ALPK3: variants seen among roughly 807,000 people sequenced by gnomAD.
The protein encoded by ALPK3 is alpha-protein kinase 3.
Under a neutral mutation model 140.0 loss-of-function variants are expected in ALPK3, and 102 were observed. The ratio of observed to expected loss-of-function variants is 0.73; its 90% CI spans 0.62 to 0.86. The LOEUF is 0.86. ALPK3 is among the 40% of genes least tolerant of loss of function. ALPK3 has a pLI of 0.00. For synonymous variants in ALPK3, 938 were observed against 898.5 expected, an observed-to-expected ratio of 1.04 and a Z score of -0.79; for missense variants, 2,254 against 2,208.2, an observed-to-expected ratio of 1.02 and a Z score of -0.42.
In ALPK3 at chr15:84,864,480, A is replaced by G. The variant is rs751343808; in HGVS notation, c.4538A>G (p.Asn1513Ser). Residue 1513 changes from asparagine to serine, a missense_variant, in exon 12 of 14, where the codon AAT (asparagine) becomes AGT (serine). Physicochemically the swap from Asn to Ser is conservative, Grantham distance 46 (BLOSUM62 1). Transcript: ENST00000258888. ...TATCTGATCTACCGGCCTGCAAACAATATCCCATATGCTACCCTGGAGGAA... is the reference window on the plus strand; with the variant it reads ...TATCTGATCTACCGGCCTGCAAACAGTATCCCATATGCTACCCTGGAGGAA... Reference protein sequence around the residue: ...PLYLIYRPANNIPYATLEEDL... With the variant: ...PLYLIYRPANSIPYATLEEDL... The G allele has an allele frequency of 8.1e-6, 13 of 1,614,152 alleles. No homozygotes were observed. The South Asian group carries it at 9.9e-5, about 12-fold the overall frequency.
At chr15:84,862,147 G>T (rs1022806311) in intron 9 of ALPK3, among the ~76,000 whole-genome samples, 1 of 152,094 alleles carries the variant, frequency 6.6e-6, no homozygotes, top group Non-Finnish European at 1.5e-5. Context: ...TATATTTAGC[G>T]GTCACAATTT....
rs1964029103 is a variant in ALPK3 at position 84,868,454 on chromosome 15, T to C, written c.5116T>C (p.Ter1706GlnextTer19). Reference protein sequence around the residue: ...EEGSKAQGMR* With the variant: ...EEGSKAQGMRQ Reference sequence around the variant, plus strand: ...GGGCTCCAAGGCCCAGGGCATGCGGTAGCCTCCGCAGAGGCTGGGGGCCTC... The same window carrying C: ...GGGCTCCAAGGCCCAGGGCATGCGGCAGCCTCCGCAGAGGCTGGGGGCCTC... The change falls in exon 14 of 14, where the codon TAG (stop) becomes CAG (glutamine). Residue 1706 changes from the stop codon to glutamine, a stop_lost. Transcript: ENST00000258888. 6.2e-7 allele frequency: 1 copy of C among 1,605,028 alleles called. No homozygotes were observed. Among genetic ancestry groups the C allele is most frequent in the African/African-American group, 1.3e-5 (1 of 74,864 alleles).
At chr15:84,841,081 G>C in intron 5 of ALPK3, 149 bp downstream of exon 5, 1 of 1,158,814 alleles carries the variant, frequency 8.6e-7, no homozygotes, top group Non-Finnish European at 1.2e-6. Context: ...GGGACCACAG[G>C]CATGCCCTTT....
chr15:84,834,717 G>T (rs1963581078), intron 3 of ALPK3, among the ~76,000 whole-genome samples: 1 of 152,246 alleles, frequency 6.6e-6, no homozygotes, highest in Admixed American at 6.5e-5. Flanking sequence ...TGAAACAGAG[G>T]CCACAGGGTG....
At chr15:84,832,861 G>T (rs1194948585) in intron 3 of ALPK3, among the ~76,000 whole-genome samples, 1 of 152,206 alleles carries the variant, frequency 6.6e-6, no homozygotes, top group East Asian at 1.9e-4. Flanking sequence ...AGAGGCAGGT[G>T]TCAGGGATGG....
At chr15:84,830,684 T>C (rs1388649093) in intron 3 of ALPK3, among the ~76,000 whole-genome samples, 1 of 152,218 alleles carries the variant, frequency 6.6e-6, no homozygotes, top group Non-Finnish European at 1.5e-5. Flanking sequence ...AAAATGTTTT[T>C]GTTTGTTTGT....
chr15:84,830,768 G>A (rs1430783039), intron 3 of ALPK3, among the ~76,000 whole-genome samples: 1 of 152,182 alleles, frequency 6.6e-6, no homozygotes, highest in African/African-American at 2.4e-5. Flanking sequence ...CATGATCACA[G>A]ATCACTGCAG....
intron 1 of ALPK3, among the ~76,000 whole-genome samples, chr15:84,819,802 G>A (rs1963402928): frequency 6.6e-6 from 1 of 152,198 alleles, no homozygotes; most frequent in Admixed American, 6.5e-5. Context: ...AGCTCTCCAG[G>A]CATCATTCTC....
intron 5 of ALPK3, among the ~76,000 whole-genome samples, chr15:84,846,098 C>A (rs1963728156): frequency 6.6e-6 from 1 of 151,948 alleles, no homozygotes; most frequent in Non-Finnish European, 1.5e-5. Context: ...AAAAAAACCC[C>A]AAACAGCATT....
intron 4 of ALPK3, 124 bp downstream of exon 4, chr15:84,839,221 G>C (rs1229618165): frequency 7.3e-6 from 6 of 825,532 alleles, no homozygotes. Context: ...ATGGAGGGCA[G>C]GATTCTGCTG....
At chr15:84,830,943 G>A (rs1963539923) in intron 3 of ALPK3, among the ~76,000 whole-genome samples, 1 of 152,058 alleles carries the variant, frequency 6.6e-6, no homozygotes. Context: ...CAAACTCCTG[G>A]GCTCAAGCAA....
intron 5 of ALPK3, among the ~76,000 whole-genome samples, chr15:84,851,154 GA>G (rs1392373482): frequency 1.3e-5 from 2 of 152,204 alleles, no homozygotes; most frequent in African/African-American, 4.8e-5. Context: ...TTTTGGGGTA[GA>G]GGAGGGAACT....
At chr15:84,868,070 C>A in intron 13 of ALPK3, 41 bp from the exon 14 acceptor site, 1 of 1,571,380 alleles carries the variant, frequency 6.4e-7, no homozygotes. Context: ...AACTGTGTCT[C>A]TGGTTGGGAC....
At position 84,864,445 on chromosome 15, in the gene ALPK3, C is replaced by T. The variant is rs1478839998; in HGVS notation, c.4503C>T (p.Ile1501=). The T allele has an allele frequency of 1.2e-6, 2 of 1,613,676 alleles. No homozygotes were observed. The highest frequency in any genetic ancestry group is 1.7e-6 in the Non-Finnish European group (2 of 1,179,722). The change falls in exon 12 of 14, where the codon ATC becomes ATT. Residue 1501 remains isoleucine, a synonymous_variant. Transcript: ENST00000258888. Reference sequence around the variant, plus strand: ...TGCAGGGTGAAACTATGTTTAGGATCATCCCACTGTATCTGATCTACCGGC... The same window carrying T: ...TGCAGGGTGAAACTATGTTTAGGATTATCCCACTGTATCTGATCTACCGGC... ...AAPGFGEVPE[I]IPLYLIYRPA... is the part of the protein sequence containing the mutation.
Position 84,858,006 on chromosome 15 carries a change from G to T in ALPK3, c.3268G>T (p.Glu1090Ter). 1 of 1,590,652 alleles carries T rather than the reference G, an allele frequency of 6.3e-7. No individual in the cohort carries two copies. ...TGGGCTGGCCTCAGAAGGAGCCAGT[G>T]AGGGTGAAGGAGAGGTTTCCCCTGA... is the stretch of plus-strand genomic sequence containing the variant. ...DPGLASEGAS[E>*]GEGEVSPEGP... Residue 1090 changes from glutamate to a stop codon, truncating the protein, a stop_gained, in exon 6 of 14, where the codon GAG becomes TAG. Transcript: ENST00000258888. LOFTEE classifies it high-confidence loss of function.
intron 5 of ALPK3, among the ~76,000 whole-genome samples, chr15:84,841,909 G>A (rs191453786): frequency 3.5e-4 from 53 of 152,326 alleles, no homozygotes; most frequent in Non-Finnish European, 6.0e-4. Flanking sequence ...AGAAGGAAAA[G>A]TATTTCAAGA....
At chr15:84,859,683 C>T in intron 7 of ALPK3, 93 bp from the exon 8 acceptor site, 1 of 1,464,490 alleles carries the variant, frequency 6.8e-7, no homozygotes, top group African/African-American at 1.4e-5. Context: ...AGCTGGGGTT[C>T]ACAGCAGCCT....
intron 5 of ALPK3, among the ~76,000 whole-genome samples, chr15:84,842,396 A>G (rs1596150697): frequency 6.6e-6 from 1 of 152,344 alleles, no homozygotes; most frequent in Non-Finnish European, 1.5e-5. Flanking sequence ...TTTGGTGAGA[A>G]CTAAGATGAG....
At position 84,856,869 on chromosome 15, in the gene ALPK3, C is replaced by T. The variant is rs1295297874; in HGVS notation, c.2131C>T (p.Gln711Ter). Residue 711 changes from glutamine (Q) to a stop codon, truncating the protein, a stop_gained, in exon 6 of 14, where the codon CAG becomes TAG. Transcript: ENST00000258888. LOFTEE classifies it high-confidence loss of function. ...EKGMQGEKGT[Q>*]SEGSAPTAME... is the part of the protein sequence containing the mutation. The stretch of plus-strand genomic sequence containing the variant: ...GGGGATGCAGGGAGAGAAGGGGACG[C>T]AGTCAGAGGGGAGCGCGCCCACAGC... The T allele has an allele frequency of 6.2e-7, 1 of 1,613,882 alleles. No homozygotes were observed. Among genetic ancestry groups the T allele is most frequent in the Non-Finnish European group, 8.5e-7 (1 of 1,180,022 alleles).
Sources: allele counts gnomAD v4.1 joint callset (sites outside exome capture counted in the v4.1 genomes callset), GRCh38; gene constraint gnomAD v4.1.1; transcripts MANE v1.5; gene names NCBI Gene and HGNC (gene_info 2026-07-23, HGNC 2026-07-21).